The following USP38 variants were observed in gnomAD, a reference collection of about 807,000 sequenced individuals.
USP38 encodes the protein ubiquitin carboxyl-terminal hydrolase 38.
A neutral mutation model predicts 94.3 loss-of-function variants in USP38; 49 were observed. The observed-to-expected ratio is 0.52, with a 90% CI of 0.41 to 0.66. The LOEUF (loss-of-function observed/expected upper bound fraction) is 0.66. Ranked by LOEUF, USP38 falls within the 30% of genes least tolerant of loss-of-function variation. USP38 has a pLI of 0.00. For missense variants in USP38, 1,128 were observed against 1,229.4 expected, an observed-to-expected ratio of 0.92 and a Z score of 1.23; for synonymous variants, 468 against 463.6, an observed-to-expected ratio of 1.01 and a Z score of -0.12.
intron 8 of USP38, among the ~76,000 whole-genome samples, chr4:143,212,667 T>TTTTGGG (rs1329190109): frequency 3.7e-4 from 57 of 152,252 alleles, no homozygotes; most frequent in Non-Finnish European, 8.2e-4. Context: ...CCCAAAACAC[T>TTTTGGG]TTCAGGAGTC....
intron 9 of USP38, among the ~76,000 whole-genome samples, chr4:143,215,866 G>A (rs1732171034): frequency 6.6e-6 from 1 of 152,058 alleles, no homozygotes; most frequent in Non-Finnish European, 1.5e-5. Context: ...ATGTTCTTGA[G>A]TGACAAAAAC....
intron 9 of USP38, among the ~76,000 whole-genome samples, chr4:143,216,587 C>G (rs1236153948): frequency 6.6e-6 from 1 of 151,198 alleles, no homozygotes; most frequent in Non-Finnish European, 1.5e-5. Flanking sequence ...ATCCTCCTGC[C>G]TCAGCCTCCT....
In USP38 at chr4:143,206,302, T is replaced by G. The variant is rs1250040581; in HGVS notation, c.1403+76T>G. The G allele has an allele frequency of 2.0e-5, 25 of 1,238,042 alleles. 1 individual carries two copies. The highest frequency in any genetic ancestry group is 2.4e-5 in the Non-Finnish European group (22 of 912,588). 76.7% of individuals were successfully genotyped at this position (1,238,042 alleles called of 1,614,324 possible). On this transcript the variant is annotated intron_variant, in intron 6 of 9. Transcript: ENST00000307017. ...CTGATGAAATATAAGATGATAGAATTGTCTACACATTATTCCTTATAAATG... is the reference window on the plus strand; with the variant it reads ...CTGATGAAATATAAGATGATAGAATGGTCTACACATTATTCCTTATAAATG...
In USP38 at chr4:143,214,810, T is replaced by G; in HGVS notation, c.2834T>G (p.Leu945Trp). ...CCAAAGGACACAGCTTATGTGCTTTTGTATAAAAAACAGCATAGTACTAAT... is the reference window on the plus strand; with the variant it reads ...CCAAAGGACACAGCTTATGTGCTTTGGTATAAAAAACAGCATAGTACTAAT... ...RFPKDTAYVL[L>W]YKKQHSTNGL... The change falls in exon 9 of 10, where the codon TTG becomes TGG. Residue 945 changes from leucine (L) to tryptophan (W), a missense_variant. Physicochemically the swap from Leu to Trp is moderately conservative, Grantham distance 61 (BLOSUM62 -2). Coordinates refer to ENST00000307017, the MANE Select transcript of USP38 (RefSeq NM_032557.6). The G allele has an allele frequency of 6.2e-7, 1 of 1,613,722 alleles. No homozygotes were observed. The highest frequency in any genetic ancestry group is 8.5e-7 in the Non-Finnish European group (1 of 1,179,774).
intron 8 of USP38, among the ~76,000 whole-genome samples, chr4:143,212,683 G>T (rs187363646): frequency 6.6e-6 from 1 of 151,952 alleles, no homozygotes; most frequent in Admixed American, 6.6e-5. Flanking sequence ...GAGTCTGTGA[G>T]GTCTTCTCTT....
chr4:143,206,647 G>A (rs1461926586), intron 6 of USP38, among the ~76,000 whole-genome samples: 1 of 152,180 alleles, frequency 6.6e-6, no homozygotes, highest in Non-Finnish European at 1.5e-5. Context: ...CCAAGATCGT[G>A]CTGTTGCACT....
chr4:143,193,316 A>G (rs545723752), intron 2 of USP38, among the ~76,000 whole-genome samples: 3 of 152,202 alleles, frequency 2.0e-5, no homozygotes, highest in South Asian at 2.1e-4. Context: ...TTAAAACTCT[A>G]TATACTGTTG....
At chr4:143,189,635 A>G (rs549388823) in intron 2 of USP38, among the ~76,000 whole-genome samples, 16 of 152,134 alleles carry the variant, frequency 1.1e-4, no homozygotes, top group African/African-American at 3.8e-4. Context: ...GCTCTTAAAC[A>G]TAATTGAATC....
At chr4:143,217,005 T>A (rs1050173060) in intron 9 of USP38, among the ~76,000 whole-genome samples, 1 of 152,000 alleles carries the variant, frequency 6.6e-6, no homozygotes, top group African/African-American at 2.4e-5. Context: ...AGAGACAGAG[T>A]TTCACCATGT....
At chr4:143,199,218 T>C (rs1053702965) in intron 4 of USP38, among the ~76,000 whole-genome samples, 1 of 152,214 alleles carries the variant, frequency 6.6e-6, no homozygotes, top group Admixed American at 6.5e-5. Flanking sequence ...CTCCCGCTTA[T>C]AAGTGAAAAC....
chr4:143,210,451 G>A (rs1276698092), intron 7 of USP38, among the ~76,000 whole-genome samples: 2 of 152,030 alleles, frequency 1.3e-5, no homozygotes, highest in Non-Finnish European at 2.9e-5. Flanking sequence ...GCCAGGCATG[G>A]TGGCACACGC....
chr4:143,220,021 A>G (rs995839303), intron 9 of USP38, among the ~76,000 whole-genome samples: 3 of 152,086 alleles, frequency 2.0e-5, no homozygotes, highest in African/African-American at 2.4e-5. Flanking sequence ...AATAGCCCCA[A>G]TTGCTGGAGA....
intron 4 of USP38, among the ~76,000 whole-genome samples, chr4:143,201,272 A>C (rs928046510): frequency 4.6e-5 from 7 of 152,210 alleles, no homozygotes; most frequent in African/African-American, 1.7e-4. Flanking sequence ...CAAAACAAGC[A>C]ATGGGGAAAA....
Position 143,185,319 on chromosome 4 carries a change from G to C in USP38, c.-132G>C. 1.0e-6 allele frequency: 1 copy of C among 989,350 alleles called. No individual in the cohort carries two copies. Among genetic ancestry groups the C allele is most frequent in the South Asian group, 1.7e-5 (1 of 58,976 alleles). 61.3% of individuals were successfully genotyped at this position (989,350 alleles called of 1,614,324 possible). ...CCATAAATGTGGCTGCTGAGGCGGC[G>C]GTGGCCGTGGCCCGTCGCGCTGCTG... On this transcript the variant is annotated 5_prime_UTR_variant, in exon 1 of 10. Coordinates refer to ENST00000307017, the MANE Select transcript of USP38 (RefSeq NM_032557.6).
At chr4:143,215,153 A>G (rs541634559) in intron 9 of USP38, 23 of 556,314 alleles carry the variant, frequency 4.1e-5, no homozygotes, top group African/African-American at 3.8e-4. Context: ...GATGTAATGC[A>G]GAAGACTTTA....
rs1029464144 is a variant in USP38, at chr4:143,203,631, T to C, written c.1209+65T>C. ...ATATTAATAAGGTGAAACATTCTTA[T>C]AACCAGCTACTCAATTTACTATTTT... is the stretch of plus-strand genomic sequence containing the variant. On this transcript the variant is annotated intron_variant, in intron 5 of 9. Coordinates refer to ENST00000307017, the MANE Select transcript of USP38 (RefSeq NM_032557.6). 4 of 1,475,110 alleles carry C rather than the reference T, an allele frequency of 2.7e-6. No individual in the cohort carries two copies. The South Asian group carries it at 3.9e-5, about 14-fold the overall frequency. 91.4% of individuals were successfully genotyped at this position (1,475,110 alleles called of 1,614,324 possible).
At chr4:143,198,771 A>G (rs1371986593) in intron 4 of USP38, among the ~76,000 whole-genome samples, 2 of 152,246 alleles carry the variant, frequency 1.3e-5, no homozygotes, top group African/African-American at 2.4e-5. Context: ...ATTACCACTT[A>G]GGATGAGTGA....
rs1006537913 is a variant in USP38 at position 143,221,920 on chromosome 4, G to C, written c.*1464G>C. 6 of 152,054 alleles carry C rather than the reference G, an allele frequency of 3.9e-5. No individual in the cohort carries two copies. The highest frequency in any genetic ancestry group is 7.4e-5 in the Non-Finnish European group (5 of 67,960). 9.4% of individuals were successfully genotyped at this position (152,054 alleles called of 1,614,324 possible). A position where few individuals can be genotyped will look rare whatever the true frequency, so the allele number is the denominator to read the frequency against. The stretch of plus-strand genomic sequence containing the variant: ...CCAGGAAGATTAGGAAGGCAGATTA[G>C]ATTAAAAACTGAAAATTCTTTGCAG... On this transcript the variant is annotated 3_prime_UTR_variant, in exon 10 of 10. Coordinates refer to ENST00000307017, the MANE Select transcript of USP38 (RefSeq NM_032557.6).
intron 2 of USP38, among the ~76,000 whole-genome samples, chr4:143,189,539 G>A (rs1035729208): frequency 6.6e-6 from 1 of 151,984 alleles, no homozygotes; most frequent in Admixed American, 6.6e-5. Context: ...AAACTCTGGG[G>A]ACTTTGATTT....
Sources: allele counts gnomAD v4.1 joint callset (sites outside exome capture counted in the v4.1 genomes callset), GRCh38; gene constraint gnomAD v4.1.1; transcripts MANE v1.5; gene names NCBI Gene and HGNC (gene_info 2026-07-23, HGNC 2026-07-21).